Variants in KIF6 observed in about 807,000 individuals in gnomAD.
The protein encoded by KIF6 is kinesin family member 6.
In KIF6, 106 loss-of-function variants were observed where a neutral mutation model predicts 112.7. The ratio of observed to expected loss-of-function variants is 0.94; its 90% CI spans 0.80 to 1.11. The LOEUF is 1.11. KIF6 is among the 50% of genes least tolerant of loss of function. The pLI, the probability that KIF6 is intolerant of heterozygous loss-of-function variation, is 0.00. For missense variants in KIF6, 929 were observed against 964.0 expected (o/e 0.96, Z 0.48); for synonymous variants, 339 against 339.9 (o/e 1.00, Z 0.03).
chr6:39,694,402 C>G (rs1261599477), intron 3 of KIF6, among the ~76,000 whole-genome samples: 1 of 152,148 alleles, frequency 6.6e-6, no homozygotes, highest in Non-Finnish European at 1.5e-5. Context: ...TGATATGTTT[C>G]TATACCTAGA....
At chr6:39,389,057 G>A (rs549131898) in intron 15 of KIF6, among the ~76,000 whole-genome samples, 10 of 152,300 alleles carry the variant, frequency 6.6e-5, no homozygotes, top group East Asian at 1.9e-4. Flanking sequence ...AGCAATCCAC[G>A]GGAAAGCTCC....
chr6:39,644,595 G>A lies in KIF6; in HGVS notation c.252-4838C>T, dbSNP rs1177467145. Among the ~76,000 whole-genome samples the A allele has an allele frequency of 2.0e-5, 3 of 151,510 alleles. No homozygotes were observed. The East Asian group carries it at 5.8e-4, about 29-fold the overall frequency. ...TATTGTGATTCTATTTCTAGAAAAT[G>A]TTCAGGATAAGAAAATTCCATAGAG... On this transcript the variant is annotated intron_variant, in intron 3 of 22. Transcript: ENST00000287152.
At chr6:39,539,962 A>G (rs775481826) in intron 13 of KIF6, 41 bp downstream of exon 13, 18 of 1,467,800 alleles carry the variant, frequency 1.2e-5, no homozygotes, top group African/African-American at 4.2e-5. Flanking sequence ...ATCGAAATCC[A>G]TTACAGACAA....
intron 22 of KIF6, among the ~76,000 whole-genome samples, chr6:39,340,053 G>A (rs1763237671): frequency 6.6e-6 from 1 of 152,226 alleles, no homozygotes; most frequent in African/African-American, 2.4e-5. Flanking sequence ...TGGGTGCCCT[G>A]ATAAGTGGGC....
chr6:39,613,264 A>C lies in KIF6; in HGVS notation c.564T>G (p.Thr188=). 6.2e-7 allele frequency: 1 copy of C among 1,608,290 alleles called. No individual in the cohort carries two copies. The highest frequency in any genetic ancestry group is 8.5e-7 in the Non-Finnish European group (1 of 1,177,210). The change falls in exon 6 of 23, where the codon ACT becomes ACG. Residue 188 remains threonine, a synonymous_variant. Transcript: ENST00000287152. The part of the protein sequence containing the change: ...PDQNIHLKNL[T]LHQATTEEEA... ...CTTCCTCTGTGGTTGCCTGATGGAG[A>C]GTCAAGTTTTTCAGGTGAATGTTCT... is the stretch of plus-strand genomic sequence containing the variant.
At chr6:39,632,702 C>T (rs187616031) in intron 5 of KIF6, among the ~76,000 whole-genome samples, 1 of 152,076 alleles carries the variant, frequency 6.6e-6, no homozygotes, top group Admixed American at 6.6e-5. Context: ...TCATTATCTC[C>T]ACACCTCTGC....
intron 10 of KIF6, among the ~76,000 whole-genome samples, chr6:39,575,594 T>C (rs1023904961): frequency 1.3e-5 from 2 of 152,092 alleles, no homozygotes; most frequent in African/African-American, 4.8e-5. Context: ...TTCGTGAGAA[T>C]AGGGGATGGG....
chr6:39,537,921 C>G (rs893626749), intron 13 of KIF6, among the ~76,000 whole-genome samples: 36 of 152,164 alleles, frequency 2.4e-4, no homozygotes, highest in African/African-American at 8.7e-4. Context: ...CGCATACCTA[C>G]AACTATTTGA....
intron 18 of KIF6, 87 bp downstream of exon 18, chr6:39,360,308 C>G: frequency 6.7e-7 from 1 of 1,491,854 alleles, no homozygotes; most frequent in Non-Finnish European, 9.1e-7. Flanking sequence ...GCCTGTGGGT[C>G]AAAGCCCCCA....
At position 39,596,229 on chromosome 6, in the gene KIF6, T is replaced by A. The variant is rs1327731402; in HGVS notation, c.671A>T (p.His224Leu). 1.2e-6 allele frequency: 2 copies of A among 1,613,932 alleles called. No homozygotes were observed. Among genetic ancestry groups the A allele is most frequent in the African/African-American group, 2.7e-5 (2 of 74,992 alleles). ...TGACAAATGAATGGTGAAAATGCAG[T>A]GGGAACGGGTTGAAGCTTGGTTCAT... Reference protein sequence around the residue: ...TPMNQASTRSHCIFTIHLSSK... With the variant: ...TPMNQASTRSLCIFTIHLSSK... Residue 224 changes from histidine (H) to leucine (L), a missense_variant, in exon 7 of 23, where the codon CAC (histidine) becomes CTC (leucine). By Grantham distance (99) the His-to-Leu change is moderately conservative. Coordinates refer to ENST00000287152, the MANE Select transcript of KIF6 (RefSeq NM_145027.6).
chr6:39,425,068 G>T (rs921776470), intron 14 of KIF6, among the ~76,000 whole-genome samples: 2 of 152,116 alleles, frequency 1.3e-5, no homozygotes, highest in Non-Finnish European at 2.9e-5. Flanking sequence ...CATTCACTAG[G>T]GATCATGGGC....
intron 13 of KIF6, among the ~76,000 whole-genome samples, chr6:39,492,020 C>A (rs549827423): frequency 6.6e-6 from 1 of 152,258 alleles, no homozygotes; most frequent in South Asian, 2.1e-4. Flanking sequence ...CCTTTTCAGT[C>A]AGCAAAAGGT....
chr6:39,568,800 G>C (rs4714259), intron 10 of KIF6, among the ~76,000 whole-genome samples: 79,209 of 151,976 alleles, frequency 0.52, 23,254 homozygotes, highest in African/African-American at 0.8. Flanking sequence ...ATCCACCTGC[G>C]TCAGCCTCCC....
intron 10 of KIF6, among the ~76,000 whole-genome samples, chr6:39,549,611 C>T (rs1350747480): frequency 6.6e-6 from 1 of 152,130 alleles, no homozygotes; most frequent in African/African-American, 2.4e-5. Flanking sequence ...AGAACCCACA[C>T]CTGCAAGCAT....
At chr6:39,723,488 T>C (rs1790342215) in intron 1 of KIF6, among the ~76,000 whole-genome samples, 1 of 152,098 alleles carries the variant, frequency 6.6e-6, no homozygotes, top group Admixed American at 6.6e-5. Flanking sequence ...ATAGAACCAA[T>C]CTAAATGCCC....
At chr6:39,644,556 C>T (rs1785067813) in intron 3 of KIF6, among the ~76,000 whole-genome samples, 2 of 151,758 alleles carry the variant, frequency 1.3e-5, no homozygotes, top group Admixed American at 1.3e-4. Context: ...AAAAGCCAGT[C>T]AAAAAAGATG....
rs1783304637 is a variant in KIF6, at chr6:39,613,100, T to C, written c.639+89A>G. The C allele has an allele frequency of 4.6e-6, 5 of 1,089,424 alleles. No homozygotes were observed. In the South Asian group the frequency reaches 7.1e-5, roughly 15 times the overall value. The allele number at this position is 1,089,424 out of a possible 1,614,324, so 67.5% of individuals were successfully genotyped here. A position where few individuals can be genotyped will look rare whatever the true frequency, so the allele number is the denominator to read the frequency against. ...TTTAAGGTCATTGTTGGCCCTAAAC[T>C]TCTATTATATCTTTTTTTTTTCTGC... On this transcript the variant is annotated intron_variant, in intron 6 of 22. Coordinates refer to ENST00000287152, the MANE Select transcript of KIF6 (RefSeq NM_145027.6).
intron 13 of KIF6, among the ~76,000 whole-genome samples, chr6:39,444,545 T>C (rs888069850): frequency 6.6e-6 from 1 of 152,130 alleles, no homozygotes; most frequent in African/African-American, 2.4e-5. Context: ...GATCTTAAGA[T>C]CTCTTTTAGC....
chr6:39,623,283 T>C (rs1053931222), intron 5 of KIF6, among the ~76,000 whole-genome samples: 1 of 152,230 alleles, frequency 6.6e-6, no homozygotes, highest in African/African-American at 2.4e-5. Flanking sequence ...CTTGGTTGTC[T>C]ATCCTTTCAG....
Sources: gnomAD v4.1 joint callset for allele counts (sites outside exome capture counted in the v4.1 genomes callset) on GRCh38, gnomAD v4.1.1 for gene constraint, MANE v1.5 for transcripts, NCBI Gene and HGNC (gene_info 2026-07-23, HGNC 2026-07-21) for gene names.